AKAP19: variants seen among roughly 807,000 people sequenced by gnomAD.
AKAP19 encodes small A-kinase anchoring protein.
the AKAP19 span, among the ~76,000 whole-genome samples, chr2:189,901,655 T>C: frequency 6.6e-6 from 1 of 152,176 alleles, no homozygotes; most frequent in Non-Finnish European, 1.5e-5. Context: ...GATAAAAATC[T>C]TTAAAATTCA....
chr2:190,186,835 T>C, the AKAP19 span, among the ~76,000 whole-genome samples: 1 of 152,212 alleles, frequency 6.6e-6, no homozygotes, highest in African/African-American at 2.4e-5. The surrounding 1 kb of genome is among the most constrained non-coding windows in gnomAD (Gnocchi z 5.5). Context: ...GTATTTTTTA[T>C]AAACTTATTT....
At chr2:190,168,097 A>G in the AKAP19 span, among the ~76,000 whole-genome samples, 2 of 152,126 alleles carry the variant, frequency 1.3e-5, no homozygotes, top group Non-Finnish European at 2.9e-5. Flanking sequence ...TGTTTCCATT[A>G]TATCTTCTGA....
chr2:190,074,576 G>A, the AKAP19 span, among the ~76,000 whole-genome samples: 4 of 151,900 alleles, frequency 2.6e-5, no homozygotes, highest in Admixed American at 1.3e-4. Context: ...GCTTAAACCC[G>A]GGAGTTGGAA....
At chr2:190,169,054 T>G in the AKAP19 span, among the ~76,000 whole-genome samples, 1 of 152,156 alleles carries the variant, frequency 6.6e-6, no homozygotes, top group African/African-American at 2.4e-5. Context: ...ATATGCGAGA[T>G]TGGGTAATTT....
At chr2:190,050,304 A>C in the AKAP19 span, among the ~76,000 whole-genome samples, 1 of 152,228 alleles carries the variant, frequency 6.6e-6, no homozygotes, top group Non-Finnish European at 1.5e-5. Context: ...TATTTGTTAT[A>C]AAATATACCC....
the AKAP19 span, among the ~76,000 whole-genome samples, chr2:190,054,601 A>C: frequency 6.6e-6 from 1 of 152,348 alleles, no homozygotes; most frequent in South Asian, 2.1e-4. Context: ...CAAAGGGCTA[A>C]TATCCAGAAT....
chr2:190,045,972 G>A, the AKAP19 span, among the ~76,000 whole-genome samples: 8 of 152,326 alleles, frequency 5.3e-5, no homozygotes, highest in Admixed American at 2.6e-4. Context: ...GCTGGGGGTT[G>A]CAAAGATCCG....
At chr2:189,972,396 A>G in the AKAP19 span, among the ~76,000 whole-genome samples, 11 of 152,134 alleles carry the variant, frequency 7.2e-5, no homozygotes, top group Non-Finnish European at 1.5e-4. Flanking sequence ...CTTGTAGTAT[A>G]GTTTGAAGTC....
chr2:189,893,916 G>A, the AKAP19 span, among the ~76,000 whole-genome samples: 1 of 152,116 alleles, frequency 6.6e-6, no homozygotes, highest in African/African-American at 2.4e-5. Context: ...CTAATCCCCT[G>A]GGCATATCAA....
At chr2:190,160,321 A>T in the AKAP19 span, among the ~76,000 whole-genome samples, 2 of 142,384 alleles carry the variant, frequency 1.4e-5, no homozygotes, top group African/African-American at 4.9e-5. Flanking sequence ...TCTGGATGGC[A>T]CTAGGCTTAG....
the AKAP19 span, among the ~76,000 whole-genome samples, chr2:190,039,109 G>A: frequency 6.7e-6 from 1 of 148,388 alleles, no homozygotes; most frequent in Non-Finnish European, 1.5e-5. Context: ...GTCTTGCTCT[G>A]TCCCCCAGGC....
the AKAP19 span, among the ~76,000 whole-genome samples, chr2:190,182,351 G>T: frequency 1.3e-5 from 2 of 152,068 alleles, no homozygotes; most frequent in South Asian, 4.1e-4. Flanking sequence ...GTCTGAAAAG[G>T]GTCCATGACC....
the AKAP19 span, among the ~76,000 whole-genome samples, chr2:189,916,231 C>T: frequency 6.6e-6 from 1 of 151,998 alleles, no homozygotes; most frequent in African/African-American, 2.4e-5. Context: ...ATAGCCAGGA[C>T]ATTAGTGTTA....
the AKAP19 span, among the ~76,000 whole-genome samples, chr2:190,156,496 G>A: frequency 6.6e-6 from 1 of 151,996 alleles, no homozygotes; most frequent in African/African-American, 2.4e-5. Context: ...TTTTAAAAAG[G>A]GAATGATAAA....
chr2:189,930,897 T>C, the AKAP19 span: 4 of 715,856 alleles, frequency 5.6e-6, no homozygotes, highest in Non-Finnish European at 1.0e-5. Context: ...GTTCCTGATA[T>C]GGCAGCGGCT....
At chr2:190,137,653 A>G in the AKAP19 span, 2 of 152,164 alleles carry the variant, frequency 1.3e-5, no homozygotes, top group African/African-American at 4.8e-5. Context: ...GGAGCAGAAA[A>G]ACTGATCGGA....
At chr2:190,018,132 C>T in the AKAP19 span, among the ~76,000 whole-genome samples, 320 of 152,192 alleles carry the variant, frequency 2.1e-3, no homozygotes, top group African/African-American at 7.4e-3. Context: ...GTGAACTCCT[C>T]TTTAGGTTGA....
chr2:190,156,053 G>A, the AKAP19 span, among the ~76,000 whole-genome samples: 2 of 152,170 alleles, frequency 1.3e-5, no homozygotes, highest in East Asian at 3.9e-4. Context: ...AAACTGGTGA[G>A]GAGTGACCTG....
At chr2:190,027,602 G>A in the AKAP19 span, among the ~76,000 whole-genome samples, 29 of 152,188 alleles carry the variant, frequency 1.9e-4, no homozygotes, top group Non-Finnish European at 3.8e-4. Context: ...AAAGGTGAAA[G>A]GGTGTATCTC....
Sources: gnomAD v4.1 joint callset for allele counts (sites outside exome capture counted in the v4.1 genomes callset) on GRCh38, gnomAD v4.1.1 for gene constraint, Gnocchi (gnomAD v3.1) non-coding constraint, MANE v1.5 for transcripts, NCBI Gene and HGNC (gene_info 2026-07-23, HGNC 2026-07-21) for gene names.